Variants in KCNN2 observed in about 807,000 individuals in gnomAD.
KCNN2 encodes small conductance calcium-activated potassium channel protein 2.
Under a neutral mutation model 55.5 loss-of-function variants are expected in KCNN2, and 24 were observed. The ratio of observed to expected loss-of-function variants is 0.43; its 90% CI spans 0.31 to 0.61. KCNN2 has a LOEUF of 0.61. KCNN2 is among the 20% of genes least tolerant of loss of function. The pLI is 0.08. For synonymous variants in KCNN2, 431 were observed against 336.1 expected (o/e 1.28, Z -3.09); for missense variants, 754 against 853.6 (o/e 0.88, Z 1.45).
chr5:114,395,082 C>T (rs930609890), intron 2 of KCNN2, among the ~76,000 whole-genome samples: 3 of 152,230 alleles, frequency 2.0e-5, no homozygotes, highest in African/African-American at 7.2e-5. Flanking sequence ...AATGAATTGT[C>T]CCCGACTGCA....
chr5:114,141,031 CCCT>C (rs1752268604), intron 1 of KCNN2, among the ~76,000 whole-genome samples: 1 of 152,122 alleles, frequency 6.6e-6, no homozygotes. Flanking sequence ...TAGTGATCCA[CCCT>C]CCTCAGCCTC....
chr5:114,363,587 A>G (rs761847904), intron 1 of KCNN2, among the ~76,000 whole-genome samples: 3 of 152,194 alleles, frequency 2.0e-5, no homozygotes, highest in East Asian at 1.9e-4. Flanking sequence ...GGCCCTTTCA[A>G]CCCGCTCTCT....
chr5:114,093,004 T>TAA (rs1751177456), intron 1 of KCNN2, among the ~76,000 whole-genome samples: 1 of 152,244 alleles, frequency 6.6e-6, no homozygotes, highest in Non-Finnish European at 1.5e-5. Context: ...TTATGCAAAT[T>TAA]TCTGCAGCTG....
chr5:114,440,952 T>C (rs1161442328), intron 3 of KCNN2, among the ~76,000 whole-genome samples: 2 of 152,076 alleles, frequency 1.3e-5, no homozygotes, highest in Admixed American at 6.6e-5. Context: ...ACAAGAGTTA[T>C]AGCTAAAACA....
intron 2 of KCNN2, among the ~76,000 whole-genome samples, chr5:114,278,929 A>C (rs1252597207): frequency 6.6e-6 from 1 of 152,182 alleles, no homozygotes; most frequent in Non-Finnish European, 1.5e-5. Context: ...TTGGAAATGC[A>C]GAAATCACCG....
At chr5:114,379,336 G>C (rs1162063301) in intron 2 of KCNN2, among the ~76,000 whole-genome samples, 1 of 151,530 alleles carries the variant, frequency 6.6e-6, no homozygotes, top group African/African-American at 2.4e-5. Flanking sequence ...ACATTCTTGT[G>C]CCTTCATTCT....
At chr5:114,323,611 TTAGTA>T (rs1436939866) in intron 2 of KCNN2, among the ~76,000 whole-genome samples, 2 of 148,674 alleles carry the variant, frequency 1.3e-5, no homozygotes, top group Non-Finnish European at 3.0e-5. Flanking sequence ...GAAACCATGT[TTAGTA>T]TAGAGAATAA....
intron 3 of KCNN2, among the ~76,000 whole-genome samples, chr5:114,431,249 A>T (rs1759783247): frequency 6.6e-6 from 1 of 151,952 alleles, no homozygotes; most frequent in Non-Finnish European, 1.5e-5. Flanking sequence ...GGTTATTAGT[A>T]GTTTTCTGGA....
At chr5:114,148,137 G>A (rs1260865739) in intron 1 of KCNN2, among the ~76,000 whole-genome samples, 2 of 152,124 alleles carry the variant, frequency 1.3e-5, no homozygotes, top group Non-Finnish European at 2.9e-5. Context: ...ATTGTTAATG[G>A]AAGGTATAGT....
Position 114,078,981 on chromosome 5 carries a change from A to G in KCNN2, c.-271+22481A>G, listed in dbSNP as rs369292207. Among the ~76,000 whole-genome samples the G allele has an allele frequency of 4.6e-5, 7 of 152,264 alleles. No individual in the cohort carries two copies. The South Asian group carries it at 1.2e-3, about 27-fold the overall frequency. ...ATCAACCATATTCAGTTGGAAATTG[A>G]GTTGGAAGTTCCCTTTGTGGTGCAG... On this transcript the variant is annotated intron_variant, in intron 1 of 10. Coordinates refer to the KCNN2 transcript ENST00000512097.
chr5:114,396,342 A>G (rs756222803), intron 2 of KCNN2, among the ~76,000 whole-genome samples: 8 of 152,208 alleles, frequency 5.3e-5, no homozygotes, highest in Non-Finnish European at 1.0e-4. Flanking sequence ...CGGAAACATT[A>G]CATAGGTGTT....
At chr5:114,474,780 A>G (rs555998577) in intron 5 of KCNN2, among the ~76,000 whole-genome samples, 42 of 152,298 alleles carry the variant, frequency 2.8e-4, no homozygotes, top group Middle Eastern at 3.4e-3. Flanking sequence ...TTATTTTACC[A>G]TGAAGATTAT....
At chr5:114,169,291 G>T (rs1171216599) in intron 1 of KCNN2, among the ~76,000 whole-genome samples, 1 of 152,086 alleles carries the variant, frequency 6.6e-6, no homozygotes, top group Non-Finnish European at 1.5e-5. Flanking sequence ...GCTTCTCATT[G>T]TAACCTAGTT....
rs569258402 is a variant in KCNN2, at chr5:114,096,073, G to C, written c.-271+39573G>C. Reference sequence around the variant, plus strand: ...ACTGAGTCCACAGGTTGAGATCACTGTCCAGGAGCAGTGTAACTTAATGTC... The same window carrying C: ...ACTGAGTCCACAGGTTGAGATCACTCTCCAGGAGCAGTGTAACTTAATGTC... On this transcript the variant is annotated intron_variant, in intron 1 of 10. Coordinates refer to the KCNN2 transcript ENST00000512097. Among the ~76,000 whole-genome samples, 45 of 152,166 alleles carry C rather than the reference G, an allele frequency of 3.0e-4. 3 individuals are homozygous for C. In the South Asian group the frequency reaches 8.9e-3, roughly 30 times the overall value.
At chr5:114,394,247 G>A (rs890312746) in intron 2 of KCNN2, among the ~76,000 whole-genome samples, 1 of 152,050 alleles carries the variant, frequency 6.6e-6, no homozygotes, top group Non-Finnish European at 1.5e-5. Context: ...TTGAGGTTGG[G>A]CATTTGTTTC....
chr5:114,090,896 T>C (rs541580075), intron 1 of KCNN2, among the ~76,000 whole-genome samples: 5 of 152,112 alleles, frequency 3.3e-5, no homozygotes, highest in Non-Finnish European at 5.9e-5. Flanking sequence ...TTGCCCAGAC[T>C]GGACAGCCTC....
rs533390128 is a variant in KCNN2 at position 114,227,720 on chromosome 5, C to T, written c.-185+6155C>T. 2.0e-5 allele frequency among the ~76,000 whole-genome samples: 3 copies of T among 152,258 alleles called. No individual in the cohort carries two copies. In the South Asian group the frequency reaches 6.2e-4, roughly 32 times the overall value. ...AAAAGTATGAAACCTAGTTCTTTCA[C>T]TCTTAGCTGTATGATATTATTTCTG... On this transcript the variant is annotated intron_variant, in intron 2 of 10. Coordinates refer to the KCNN2 transcript ENST00000512097.
intron 1 of KCNN2, among the ~76,000 whole-genome samples, chr5:114,077,631 T>C (rs1026448819): frequency 1.9e-4 from 29 of 152,220 alleles, no homozygotes; most frequent in African/African-American, 5.3e-4. Flanking sequence ...TATGATATTA[T>C]AATTGTCACT....
At chr5:114,109,587 C>T (rs13176186) in intron 1 of KCNN2, among the ~76,000 whole-genome samples, 2,304 of 152,106 alleles carry the variant, frequency 0.015, 51 homozygotes, top group Admixed American at 0.066. Flanking sequence ...AGAGTAATGA[C>T]ACAACCGAAT....
Sources: allele counts gnomAD v4.1 joint callset (sites outside exome capture counted in the v4.1 genomes callset), GRCh38; gene constraint gnomAD v4.1.1; transcripts MANE v1.5; gene names NCBI Gene and HGNC (gene_info 2026-07-23, HGNC 2026-07-21).